The following EPHA6 variants were observed in gnomAD, a reference collection of about 807,000 sequenced individuals.
The protein encoded by EPHA6 is EPH receptor A6.
Under a neutral mutation model 112.0 loss-of-function variants are expected in EPHA6, and 50 were observed. That is an observed-to-expected ratio of 0.45 (90% confidence interval 0.36 to 0.56). The LOEUF is 0.56. EPHA6 is among the 20% of genes least tolerant of loss of function. The probability of loss-of-function intolerance (pLI) is 0.00; values close to 1 mark genes in which losing one functional copy is unlikely to be tolerated. For synonymous variants in EPHA6, 529 were observed against 490.7 expected (o/e 1.08, Z -1.03); for missense variants, 1,280 against 1,417.4 (o/e 0.90, Z 1.56).
chr3:96,915,529 C>T (rs2039440552), intron 2 of EPHA6, among the ~76,000 whole-genome samples: 1 of 152,020 alleles, frequency 6.6e-6, no homozygotes, highest in Non-Finnish European at 1.5e-5. Context: ...ATTTTAAGAA[C>T]TCTGACAGTT....
chr3:97,693,677 G>A (rs2032825943), intron 14 of EPHA6, among the ~76,000 whole-genome samples: 1 of 152,010 alleles, frequency 6.6e-6, no homozygotes, highest in African/African-American at 2.4e-5. Flanking sequence ...GCATGGTGGC[G>A]GGCGCCTGTA....
At chr3:96,818,713 A>T (rs1272596970) in intron 1 of EPHA6, among the ~76,000 whole-genome samples, 1 of 151,950 alleles carries the variant, frequency 6.6e-6, no homozygotes, top group Non-Finnish European at 1.5e-5. Flanking sequence ...GGAAATTTTT[A>T]AAGATTTTTC....
chr3:96,817,284 A>G (rs1267997524), intron 1 of EPHA6, among the ~76,000 whole-genome samples: 2 of 151,924 alleles, frequency 1.3e-5, no homozygotes. Flanking sequence ...ACTTTCAAAT[A>G]TTGAAATCAT....
chr3:97,421,928 C>G (rs536916827), intron 6 of EPHA6, among the ~76,000 whole-genome samples: 1 of 151,612 alleles, frequency 6.6e-6, no homozygotes, highest in East Asian at 1.9e-4. Flanking sequence ...AAAAAAGAAA[C>G]TAGATTCCCA....
chr3:97,381,747 A>C (rs937184908), intron 5 of EPHA6, among the ~76,000 whole-genome samples: 6 of 152,130 alleles, frequency 3.9e-5, no homozygotes, highest in African/African-American at 1.4e-4. Context: ...AAAATGTTAG[A>C]GGTATCCTGG....
chr3:96,851,834 G>GAA (rs1303156276), intron 1 of EPHA6, among the ~76,000 whole-genome samples: 2 of 149,818 alleles, frequency 1.3e-5, no homozygotes, highest in Non-Finnish European at 3.0e-5. Flanking sequence ...GGAATGGTGA[G>GAA]AAAAAAAAAC....
At chr3:97,680,517 T>C (rs773504029) in intron 14 of EPHA6, among the ~76,000 whole-genome samples, 1 of 152,226 alleles carries the variant, frequency 6.6e-6, no homozygotes, top group Non-Finnish European at 1.5e-5. Context: ...TGTGACTAAA[T>C]GAATGAATCA....
chr3:97,692,186 G>T (rs1214723782), intron 14 of EPHA6, among the ~76,000 whole-genome samples: 1 of 152,032 alleles, frequency 6.6e-6, no homozygotes, highest in Non-Finnish European at 1.5e-5. Context: ...TTTTTATTTA[G>T]ATTGTGTCCT....
chr3:97,152,534 A>G (rs2076195119), intron 3 of EPHA6, among the ~76,000 whole-genome samples: 1 of 151,776 alleles, frequency 6.6e-6, no homozygotes, highest in Non-Finnish European at 1.5e-5. Flanking sequence ...GCAAAATTAA[A>G]TTATTGTCAT....
intron 2 of EPHA6, among the ~76,000 whole-genome samples, chr3:96,911,919 C>T (rs1427322196): frequency 6.6e-6 from 1 of 151,762 alleles, no homozygotes; most frequent in East Asian, 1.9e-4. Flanking sequence ...TTTTTACCTT[C>T]TATTACCTTT....
chr3:97,402,561 A>G (rs1010118291), intron 5 of EPHA6, among the ~76,000 whole-genome samples: 1 of 152,038 alleles, frequency 6.6e-6, no homozygotes, highest in African/African-American at 2.4e-5. Flanking sequence ...TAAACAGTAC[A>G]TAGTTAGGTC....
intron 2 of EPHA6, among the ~76,000 whole-genome samples, chr3:96,892,954 A>ATATATGTGTG (rs1420399065): frequency 4.5e-5 from 6 of 132,422 alleles, no homozygotes; most frequent in African/African-American, 1.3e-4. Flanking sequence ...ATATATATAT[A>ATATATGTGTG]TGTGTGTGTG....
chr3:97,104,591 T>G (rs964584823), intron 3 of EPHA6, among the ~76,000 whole-genome samples: 3 of 152,154 alleles, frequency 2.0e-5, no homozygotes, highest in Non-Finnish European at 4.4e-5. Flanking sequence ...ATCAAGGATA[T>G]TGGCCTGAAG....
intron 10 of EPHA6, among the ~76,000 whole-genome samples, chr3:97,505,618 T>C (rs1233084240): frequency 6.6e-6 from 1 of 152,178 alleles, no homozygotes; most frequent in Non-Finnish European, 1.5e-5. Flanking sequence ...TTCTAAGTCT[T>C]TGCTATTGTG....
intron 2 of EPHA6, among the ~76,000 whole-genome samples, chr3:96,936,036 A>T (rs989969186): frequency 6.6e-6 from 1 of 151,998 alleles, no homozygotes; most frequent in Non-Finnish European, 1.5e-5. Context: ...CACTGCTAAA[A>T]GGGGGGAAAA....
At position 97,753,968 on chromosome 3, in the gene EPHA6, G is replaced by C. The variant is rs1403481822; in HGVS notation, c.*5267G>C. On this transcript the variant is annotated 3_prime_UTR_variant, in exon 18 of 18. Transcript: ENST00000389672. Reference sequence around the variant, plus strand: ...TCTTGGAAAAAAATTAAAAGATCCAGAAAAAGATACAGGTCATCAAAATGT... The same window carrying C: ...TCTTGGAAAAAAATTAAAAGATCCACAAAAAGATACAGGTCATCAAAATGT... 2.7e-5 allele frequency among the ~76,000 whole-genome samples: 4 copies of C among 150,726 alleles called. No individual in the cohort carries two copies. Among genetic ancestry groups the C allele is most frequent in the African/African-American group, 4.9e-5 (2 of 41,014 alleles).
In EPHA6 at chr3:97,388,314, T is replaced by C. The variant is rs114626424; in HGVS notation, c.1607-16836T>C. Among the ~76,000 whole-genome samples the C allele has an allele frequency of 8.3e-3, 1,257 of 152,258 alleles. 14 individuals are homozygous for C. Among genetic ancestry groups the C allele is most frequent in the African/African-American group, 0.027 (1,119 of 41,558 alleles). Reference sequence around the variant, plus strand: ...AAACTGTTGGAGAAGAAAACTTTTTTTTTTAATCTTCTTAGTTCAGTGATT... The same window carrying C: ...AAACTGTTGGAGAAGAAAACTTTTTCTTTTAATCTTCTTAGTTCAGTGATT... On this transcript the variant is annotated intron_variant, in intron 5 of 17. Transcript: ENST00000389672.
chr3:97,069,171 G>A (rs1465980309), intron 3 of EPHA6, among the ~76,000 whole-genome samples: 2 of 152,030 alleles, frequency 1.3e-5, no homozygotes, highest in Non-Finnish European at 2.9e-5. Context: ...ATATAAAGTC[G>A]ATTAACACAT....
chr3:97,477,135 GCTTTGATATA>G (rs1189679435), intron 8 of EPHA6, among the ~76,000 whole-genome samples: 12 of 152,066 alleles, frequency 7.9e-5, no homozygotes, highest in African/African-American at 2.9e-4. Context: ...CATCATCAGA[GCTTTGATATA>G]GCTCATCTTT....
Sources: gnomAD v4.1 joint callset for allele counts (sites outside exome capture counted in the v4.1 genomes callset) on GRCh38, gnomAD v4.1.1 for gene constraint, MANE v1.5 for transcripts, NCBI Gene and HGNC (gene_info 2026-07-23, HGNC 2026-07-21) for gene names.